CSMD1: variants seen among roughly 807,000 people sequenced by gnomAD.
The protein encoded by CSMD1 is CUB and sushi domain-containing protein 1.
CSMD1 carries 213 observed loss-of-function variants against 417.5 expected under a neutral mutation model. The ratio of observed to expected loss-of-function variants is 0.51; its 90% CI spans 0.46 to 0.57. The LOEUF (loss-of-function observed/expected upper bound fraction) is 0.57. Among genes scored for constraint, CSMD1 ranks in the 20% least tolerant of loss-of-function variants. The pLI is 0.00. For synonymous variants in CSMD1, 2,862 were observed against 1,736.8 expected, an observed-to-expected ratio of 1.65 and a Z score of -16.11; for missense variants, 6,923 against 4,529.7, an observed-to-expected ratio of 1.53 and a Z score of -15.17.
At chr8:3,469,051 T>A (rs951750312) in intron 11 of CSMD1, 2 of 375,280 alleles carry the variant, frequency 5.3e-6, no homozygotes, top group South Asian at 1.3e-4. Context: ...AATTCGTGAA[T>A]TTTCTTTTAA....
chr8:3,048,259 A>T (rs1366580660), intron 50 of CSMD1, among the ~76,000 whole-genome samples: 1 of 152,228 alleles, frequency 6.6e-6, no homozygotes, highest in Admixed American at 6.5e-5. Context: ...ATGTTATTTT[A>T]ATTAATTTTA....
intron 1 of CSMD1, among the ~76,000 whole-genome samples, chr8:4,707,059 T>C (rs1807990610): frequency 1.3e-5 from 2 of 152,170 alleles, no homozygotes; most frequent in Non-Finnish European, 1.5e-5. Context: ...GGTGATCAGA[T>C]CTGAGATTAG....
At position 3,871,567 on chromosome 8, in the gene CSMD1, G is replaced by C. The variant is rs148545617; in HGVS notation, c.819-117525C>G. Among the ~76,000 whole-genome samples, 1,328 of 152,056 alleles carry C rather than the reference G, an allele frequency of 8.7e-3. 21 individuals are homozygous for C. Among genetic ancestry groups the C allele is most frequent in the African/African-American group, 0.03 (1,261 of 41,460 alleles). On this transcript the variant is annotated intron_variant, in intron 5 of 69. Coordinates refer to ENST00000635120, the MANE Select transcript of CSMD1 (RefSeq NM_033225.6). The stretch of plus-strand genomic sequence containing the variant: ...CTTAGTCTATTAGGTTATTATTATT[G>C]ATTCATAATTTTTATATATTAGGAA...
In CSMD1 at chr8:3,997,810, A is replaced by AC. The variant is rs1815331945; in HGVS notation, c.818+92dup. On this transcript the variant is annotated intron_variant, in intron 5 of 69. Coordinates refer to ENST00000635120, the MANE Select transcript of CSMD1 (RefSeq NM_033225.6). Reference sequence around the variant, plus strand: ...AAGGAACACACATGCTTGCCCATGAACGTCCAGAGACAAGCAATTCTTGAA... The same window carrying AC: ...AAGGAACACACATGCTTGCCCATGAACCGTCCAGAGACAAGCAATTCTTGAA... 5.8e-5 allele frequency: 67 copies of AC among 1,148,104 alleles called. 1 individual carries two copies. In the South Asian group the frequency reaches 8.0e-4, roughly 14 times the overall value. The allele number at this position is 1,148,104 out of a possible 1,614,324, so 71.1% of individuals were successfully genotyped here.
intron 52 of CSMD1, among the ~76,000 whole-genome samples, chr8:3,012,150 G>A (rs1808437795): frequency 6.6e-6 from 1 of 152,258 alleles, no homozygotes; most frequent in East Asian, 1.9e-4. Context: ...AATGTACTCG[G>A]ATGCACCTGT....
intron 3 of CSMD1, among the ~76,000 whole-genome samples, chr8:4,071,719 G>T (rs1288138568): frequency 6.6e-6 from 1 of 152,098 alleles, no homozygotes; most frequent in Non-Finnish European, 1.5e-5. Context: ...ACTCTGTTAT[G>T]CTCCTCCAAA....
chr8:4,241,739 T>C (rs1262360474), intron 3 of CSMD1, among the ~76,000 whole-genome samples: 1 of 151,268 alleles, frequency 6.6e-6, no homozygotes, highest in Admixed American at 6.6e-5. Flanking sequence ...AGTCTCGCTC[T>C]GTCGCCCAGG....
intron 26 of CSMD1, among the ~76,000 whole-genome samples, chr8:3,273,178 T>C (rs916449840): frequency 6.6e-6 from 1 of 150,916 alleles, no homozygotes; most frequent in Admixed American, 6.6e-5. Flanking sequence ...TTTCTGCGTC[T>C]ATTGAGATAA....
chr8:4,306,647 T>C (rs929572306), intron 3 of CSMD1, among the ~76,000 whole-genome samples: 6 of 152,130 alleles, frequency 3.9e-5, no homozygotes, highest in African/African-American at 1.4e-4. Context: ...GATGTATCCA[T>C]TGTCGATCAC....
In CSMD1 at chr8:4,236,026, GTTTTTTTTGTTTGTTTTTTTTTTT is replaced by G. The variant is rs199537665; in HGVS notation, c.415+183903_415+183926del. ...GTGAGCAAAGAGGTTAATGGATATT[GTTTTTTTTGTTTGTTTTTTTTTTT>G]TTTTTTTTTTTTTTTTTTTGTAATT... On this transcript the variant is annotated intron_variant, in intron 3 of 69. Coordinates refer to ENST00000635120, the MANE Select transcript of CSMD1 (RefSeq NM_033225.6). Among the ~76,000 whole-genome samples the G allele has an allele frequency of 9.3e-5, 10 of 108,086 alleles. 2 individuals are homozygous for G. The highest frequency in any genetic ancestry group is 3.2e-4 in the Admixed American group (3 of 9,400). The allele number at this position is 108,086 out of a possible 152,430, so 70.9% of individuals were successfully genotyped here. A position where few individuals can be genotyped will look rare whatever the true frequency, so the allele number is the denominator to read the frequency against.
chr8:3,252,441 A>G (rs1800340686), intron 26 of CSMD1, among the ~76,000 whole-genome samples: 1 of 152,022 alleles, frequency 6.6e-6, no homozygotes, highest in Non-Finnish European at 1.5e-5. Context: ...AAGCTTTTTG[A>G]TATATTGTTG....
At chr8:4,855,870 T>C (rs1801769821) in intron 1 of CSMD1, among the ~76,000 whole-genome samples, 1 of 150,400 alleles carries the variant, frequency 6.6e-6, no homozygotes, top group Non-Finnish European at 1.5e-5. Flanking sequence ...ACTTCCCCAA[T>C]CTAGCAAGGC....
intron 1 of CSMD1, among the ~76,000 whole-genome samples, chr8:4,877,720 A>G (rs184273970): frequency 3.9e-4 from 60 of 152,206 alleles, no homozygotes; most frequent in Admixed American, 2.9e-3. Context: ...ATCTTTAAAG[A>G]GGAAGACAGA....
intron 3 of CSMD1, among the ~76,000 whole-genome samples, chr8:4,388,767 C>G (rs1166735476): frequency 6.6e-6 from 1 of 152,144 alleles, no homozygotes; most frequent in Non-Finnish European, 1.5e-5. Flanking sequence ...TAAAACCTGT[C>G]TTTCTGTGTA....
intron 54 of CSMD1, among the ~76,000 whole-genome samples, chr8:2,988,609 T>C (rs879628984): frequency 6.6e-6 from 1 of 152,188 alleles, no homozygotes; most frequent in Middle Eastern, 3.2e-3. Flanking sequence ...AACCTGAAGA[T>C]GCTTGTTTTC....
At chr8:3,259,137 G>C (rs900087332) in intron 26 of CSMD1, among the ~76,000 whole-genome samples, 1 of 152,272 alleles carries the variant, frequency 6.6e-6, no homozygotes, top group Non-Finnish European at 1.5e-5. Flanking sequence ...TATTCCAAGG[G>C]CTAGGGCCAT....
In CSMD1 at chr8:4,520,548, T is replaced by C. The variant is rs1001967302; in HGVS notation, c.303-100483A>G. 6.6e-5 allele frequency among the ~76,000 whole-genome samples: 10 copies of C among 152,078 alleles called. No homozygotes were observed. In the South Asian group the frequency reaches 8.3e-4, roughly 13 times the overall value. Reference sequence around the variant, plus strand: ...TAGGTGTCTTAGAAGCCAGAAAACCTCCCCATTTTTAAACAGATAATCAGA... The same window carrying C: ...TAGGTGTCTTAGAAGCCAGAAAACCCCCCCATTTTTAAACAGATAATCAGA... On this transcript the variant is annotated intron_variant, in intron 2 of 69. Coordinates refer to ENST00000635120, the MANE Select transcript of CSMD1 (RefSeq NM_033225.6).
At chr8:3,859,654 G>T (rs921628335) in intron 5 of CSMD1, among the ~76,000 whole-genome samples, 2 of 152,116 alleles carry the variant, frequency 1.3e-5, no homozygotes, top group African/African-American at 4.8e-5. Flanking sequence ...CCTGAAGAGT[G>T]AGTTCAACCA....
At chr8:3,559,725 T>C (rs1178514194) in intron 10 of CSMD1, among the ~76,000 whole-genome samples, 2 of 152,192 alleles carry the variant, frequency 1.3e-5, no homozygotes, top group East Asian at 1.9e-4. Context: ...TTGTATTTTA[T>C]ACATATATCT....
Sources: allele counts gnomAD v4.1 joint callset (sites outside exome capture counted in the v4.1 genomes callset), GRCh38; gene constraint gnomAD v4.1.1; transcripts MANE v1.5; gene names NCBI Gene and HGNC (gene_info 2026-07-23, HGNC 2026-07-21).